THADA: variants seen among roughly 807,000 people sequenced by gnomAD.
THADA encodes THADA armadillo repeat containing, also known as tRNA (32-2'-O)-methyltransferase regulator THADA.
THADA carries 213 observed loss-of-function variants against 219.8 expected under a neutral mutation model. That is an observed-to-expected ratio of 0.97 (90% confidence interval 0.87 to 1.09). The LOEUF (loss-of-function observed/expected upper bound fraction) is 1.09. THADA is among the 50% of genes least tolerant of loss of function. The pLI, the probability that THADA is intolerant of heterozygous loss-of-function variation, is 0.00. For synonymous variants in THADA, 1,018 were observed against 828.9 expected, an observed-to-expected ratio of 1.23 and a Z score of -3.92; for missense variants, 2,956 against 2,311.3, an observed-to-expected ratio of 1.28 and a Z score of -5.72.
At chr2:43,294,559 G>A (rs532059272) in intron 31 of THADA, among the ~76,000 whole-genome samples, 13 of 152,318 alleles carry the variant, frequency 8.5e-5, no homozygotes, top group African/African-American at 3.1e-4. Context: ...CTAGAGTACA[G>A]AAAGCCTCCT....
chr2:43,384,909 G>C (rs1672458502), intron 29 of THADA, among the ~76,000 whole-genome samples: 8 of 152,226 alleles, frequency 5.3e-5, no homozygotes, highest in Admixed American at 5.2e-4. Context: ...GGAGGCCGAA[G>C]ACATGCAGAT....
At chr2:43,256,932 C>T (rs1050263219) in intron 36 of THADA, among the ~76,000 whole-genome samples, 1 of 152,138 alleles carries the variant, frequency 6.6e-6, no homozygotes, top group African/African-American at 2.4e-5. Flanking sequence ...TCATTTTATA[C>T]AGAAACTGAA....
chr2:43,575,689 C>A (rs1699779201), intron 10 of THADA, among the ~76,000 whole-genome samples: 1 of 152,028 alleles, frequency 6.6e-6, no homozygotes, highest in Admixed American at 6.6e-5. Flanking sequence ...GGCGCATGCC[C>A]CCATGCCTAG....
At chr2:43,301,968 C>T (rs145398650) in intron 31 of THADA, among the ~76,000 whole-genome samples, 1 of 152,280 alleles carries the variant, frequency 6.6e-6, no homozygotes, top group East Asian at 1.9e-4. Context: ...ACACAAATAA[C>T]TGAAGTTTGA....
At chr2:43,470,260 GTAAA>G (rs1684755633) in intron 26 of THADA, among the ~76,000 whole-genome samples, 1 of 149,518 alleles carries the variant, frequency 6.7e-6, no homozygotes, top group Non-Finnish European at 1.5e-5. Flanking sequence ...CTGACAATAT[GTAAA>G]TAGAGTCTGA....
intron 30 of THADA, among the ~76,000 whole-genome samples, chr2:43,338,463 A>G (rs184703063): frequency 6.6e-6 from 1 of 152,058 alleles, no homozygotes; most frequent in Admixed American, 6.5e-5. Context: ...AGCCTCCAGA[A>G]CCCTTTTCAT....
intron 26 of THADA, among the ~76,000 whole-genome samples, chr2:43,455,612 T>C (rs958152022): frequency 6.6e-6 from 1 of 152,080 alleles, no homozygotes; most frequent in African/African-American, 2.4e-5. Context: ...CTATAATGTG[T>C]AAAACAAGGG....
chr2:43,442,308 T>C (rs576215583), intron 26 of THADA, among the ~76,000 whole-genome samples: 394 of 152,132 alleles, frequency 2.6e-3, no homozygotes, highest in African/African-American at 9.0e-3. Flanking sequence ...TGGTGGTGCG[T>C]GCCTGTAATC....
At chr2:43,520,659 C>T (rs1047853860) in intron 22 of THADA, among the ~76,000 whole-genome samples, 1 of 151,474 alleles carries the variant, frequency 6.6e-6, no homozygotes, top group Non-Finnish European at 1.5e-5. Flanking sequence ...CACTGTGCTC[C>T]AGCCTAGGCA....
chr2:43,531,869 T>TA (rs1458156517), intron 21 of THADA, among the ~76,000 whole-genome samples: 3 of 152,028 alleles, frequency 2.0e-5, no homozygotes, highest in Admixed American at 1.3e-4. Flanking sequence ...ATAATTTTTT[T>TA]AAAAAAACCT....
At chr2:43,509,866 G>A (rs765619640) in intron 22 of THADA, among the ~76,000 whole-genome samples, 4 of 152,098 alleles carry the variant, frequency 2.6e-5, no homozygotes, top group African/African-American at 4.8e-5. Context: ...CAGGCTCTGT[G>A]ATTCTAAAGA....
chr2:43,544,084 A>G (rs936029911), intron 20 of THADA, among the ~76,000 whole-genome samples: 13 of 152,276 alleles, frequency 8.5e-5, no homozygotes, highest in Non-Finnish European at 1.5e-4. Flanking sequence ...TCAGCTTTCT[A>G]CATATGGCTA....
chr2:43,287,351 A>G (rs1188192262), intron 34 of THADA, among the ~76,000 whole-genome samples: 1 of 151,892 alleles, frequency 6.6e-6, no homozygotes, highest in East Asian at 1.9e-4. Context: ...CTGGAGTGCA[A>G]TGGTGCGATC....
chr2:43,251,543 G>A (rs1226926086), intron 36 of THADA, among the ~76,000 whole-genome samples: 1 of 152,202 alleles, frequency 6.6e-6, no homozygotes, highest in East Asian at 1.9e-4. Context: ...GTCTCTGTCA[G>A]CGTGCGAAAC....
chr2:43,527,412 G>GA (rs1344065619), intron 22 of THADA, among the ~76,000 whole-genome samples: 3 of 151,720 alleles, frequency 2.0e-5, no homozygotes, highest in African/African-American at 7.3e-5. Context: ...CAGGTAAAAG[G>GA]AAAAAAATAT....
chr2:43,264,346 C>T (rs531947968), intron 36 of THADA, among the ~76,000 whole-genome samples: 3 of 150,292 alleles, frequency 2.0e-5, no homozygotes, highest in Admixed American at 6.6e-5. Context: ...AGGGCAATGG[C>T]GCCATCTCAG....
At chr2:43,390,061 A>T (rs1240112806) in intron 29 of THADA, among the ~76,000 whole-genome samples, 1 of 152,196 alleles carries the variant, frequency 6.6e-6, no homozygotes, top group Non-Finnish European at 1.5e-5. Context: ...CATTCTCCAC[A>T]TTTACTCTAC....
At chr2:43,242,781 G>T (rs1668750982) in intron 36 of THADA, among the ~76,000 whole-genome samples, 1 of 152,184 alleles carries the variant, frequency 6.6e-6, no homozygotes, top group Non-Finnish European at 1.5e-5. Flanking sequence ...GAGCCACTGT[G>T]CCCGGCCCAG....
chr2:43,231,621 T>C (rs1041160354), intron 37 of THADA, among the ~76,000 whole-genome samples: 4 of 152,148 alleles, frequency 2.6e-5, no homozygotes, highest in African/African-American at 9.7e-5. Flanking sequence ...AAAGTCAAGA[T>C]ACTTTGGGGG....
Sources: gnomAD v4.1 joint callset for allele counts (sites outside exome capture counted in the v4.1 genomes callset) on GRCh38, gnomAD v4.1.1 for gene constraint, MANE v1.5 for transcripts, NCBI Gene and HGNC (gene_info 2026-07-23, HGNC 2026-07-21) for gene names.